INTS6: variants seen among roughly 807,000 people sequenced by gnomAD.
The protein encoded by INTS6 is DEAD box protein.
INTS6 carries 16 observed loss-of-function variants against 104.9 expected under a neutral mutation model. The ratio of observed to expected loss-of-function variants is 0.15; its 90% CI spans 0.10 to 0.23. The LOEUF (loss-of-function observed/expected upper bound fraction) is 0.23, where lower values mean the gene tolerates loss of function less well. Among genes scored for constraint, INTS6 ranks in the 10% least tolerant of loss-of-function variants. The pLI, the probability that INTS6 is intolerant of heterozygous loss-of-function variation, is 1.00. For missense variants in INTS6, 584 were observed against 1,062.8 expected, an observed-to-expected ratio of 0.55 and a Z score of 6.26; for synonymous variants, 324 against 358.7, an observed-to-expected ratio of 0.90 and a Z score of 1.09.
At chr13:51,389,248 T>G (rs950531264) in intron 6 of INTS6, 71 bp downstream of exon 6, 3 of 1,528,790 alleles carry the variant, frequency 2.0e-6, no homozygotes, top group Non-Finnish European at 2.6e-6. Context: ...CAAATCACAG[T>G]AAGTTTTCAG....
At chr13:51,418,807 C>T (rs116693620) in intron 4 of INTS6, among the ~76,000 whole-genome samples, 4 of 151,796 alleles carry the variant, frequency 2.6e-5, no homozygotes. Flanking sequence ...AAGGTAAAGT[C>T]TTTCTAATTT....
downstream of INTS6, chr13:51,361,135 G>T (rs1955567996): frequency 1.9e-6 from 1 of 532,628 alleles, no homozygotes; most frequent in Non-Finnish European, 3.4e-6. Flanking sequence ...AACAAAAACA[G>T]AATTTTCCAC....
chr13:51,434,165 A>T (rs1957145645), intron 3 of INTS6, among the ~76,000 whole-genome samples: 1 of 152,196 alleles, frequency 6.6e-6, no homozygotes, highest in Non-Finnish European at 1.5e-5. Flanking sequence ...TCCTTTCTGC[A>T]ATAAAATTAA....
intron 3 of INTS6, among the ~76,000 whole-genome samples, chr13:51,435,584 C>T (rs964757871): frequency 2.1e-4 from 32 of 151,972 alleles, no homozygotes; most frequent in Admixed American, 5.2e-4. Flanking sequence ...AAAGAAAATG[C>T]TTTTGCAATG....
intron 7 of INTS6, chr13:51,383,954 A>G: frequency 2.8e-6 from 1 of 354,804 alleles, no homozygotes. Context: ...TTGAAAATCT[A>G]TAGAAATGAA....
chr13:51,431,037 G>C (rs997062185), intron 3 of INTS6, among the ~76,000 whole-genome samples: 5 of 152,114 alleles, frequency 3.3e-5, no homozygotes, highest in African/African-American at 9.7e-5. Context: ...AGAGTAGCAC[G>C]GGTTCTCAAA....
intron 3 of INTS6, chr13:51,444,409 T>G (rs1952862598): frequency 6.6e-6 from 1 of 151,686 alleles, no homozygotes; most frequent in Admixed American, 6.6e-5. Flanking sequence ...CCGGCCTATT[T>G]TTGACTTTTG....
Position 51,376,190 on chromosome 13 carries a change from C to G in INTS6, c.1603-16G>C. 6.3e-7 allele frequency: 1 copy of G among 1,577,432 alleles called. No individual in the cohort carries two copies. The highest frequency in any genetic ancestry group is 8.6e-7 in the Non-Finnish European group (1 of 1,161,274). ...GCTTCAAATCCTATTAAACAACATT[C>G]GAGGACAAAATTTATTGTCAAACAT... is the stretch of plus-strand genomic sequence containing the variant. On this transcript the variant is annotated splice_polypyrimidine_tract_variant and intron_variant, in intron 12 of 17. Coordinates refer to ENST00000311234, the MANE Select transcript of INTS6 (RefSeq NM_012141.3).
chr13:51,359,329 C>T (rs1297913400), downstream of INTS6, among the ~76,000 whole-genome samples: 1 of 152,050 alleles, frequency 6.6e-6, no homozygotes, highest in Admixed American at 6.6e-5. Flanking sequence ...AGATGACTCC[C>T]ATATTCTCAT....
intron 3 of INTS6, chr13:51,440,063 A>G (rs981539330): frequency 2.6e-5 from 4 of 152,136 alleles, no homozygotes; most frequent in African/African-American, 9.7e-5. Flanking sequence ...GATGGCTAAG[A>G]CGGTGAAACC....
At chr13:51,371,052 G>A (rs901954276) in intron 15 of INTS6, among the ~76,000 whole-genome samples, 2 of 152,112 alleles carry the variant, frequency 1.3e-5, no homozygotes, top group African/African-American at 2.4e-5. Flanking sequence ...ACTACTACTC[G>A]AAGTCTGGTG....
At chr13:51,421,856 A>AC (rs1956901937) in intron 4 of INTS6, among the ~76,000 whole-genome samples, 1 of 148,516 alleles carries the variant, frequency 6.7e-6, no homozygotes, top group African/African-American at 2.4e-5. Context: ...ACAGAGTAAA[A>AC]CACACACACA....
rs762326930 is a variant in INTS6, at chr13:51,361,884, C to A, written c.*3868G>T. On this transcript the variant is annotated 3_prime_UTR_variant, in exon 18 of 18. Coordinates refer to ENST00000311234, the MANE Select transcript of INTS6 (RefSeq NM_012141.3). Reference sequence around the variant, plus strand: ...GCCATTCATCTATTTCCTGAGAGAACCTAACACAGGTATTACAGTATTTTT... The same window carrying A: ...GCCATTCATCTATTTCCTGAGAGAAACTAACACAGGTATTACAGTATTTTT... The A allele has an allele frequency of 6.2e-6, 10 of 1,611,350 alleles. No homozygotes were observed. Among genetic ancestry groups the A allele is most frequent in the South Asian group, 3.3e-5 (3 of 90,964 alleles).
At chr13:51,437,300 C>T (rs887366900) in intron 3 of INTS6, 1 of 152,148 alleles carries the variant, frequency 6.6e-6, no homozygotes, top group African/African-American at 2.4e-5. Context: ...TCTACAGATG[C>T]TACCTTTGTA....
intron 4 of INTS6, among the ~76,000 whole-genome samples, chr13:51,411,713 C>A (rs1956691403): frequency 1.3e-5 from 2 of 152,236 alleles, no homozygotes; most frequent in Admixed American, 6.5e-5. Context: ...CTCATACATT[C>A]CTGGTTGGAA....
intron 4 of INTS6, among the ~76,000 whole-genome samples, chr13:51,398,075 C>T (rs373360222): frequency 6.6e-6 from 1 of 152,062 alleles, no homozygotes; most frequent in East Asian, 1.9e-4. Flanking sequence ...CTCTGCAAAT[C>T]ACCACCAACC....
chr13:51,421,368 A>C, intron 4 of INTS6: 1 of 872,000 alleles, frequency 1.1e-6, no homozygotes, highest in Non-Finnish European at 1.4e-6. Context: ...ACCACAACAA[A>C]CAAAACAAAG....
chr13:51,418,666 TA>T (rs1267232459), intron 4 of INTS6, among the ~76,000 whole-genome samples: 4 of 152,218 alleles, frequency 2.6e-5, no homozygotes, highest in African/African-American at 9.6e-5. Flanking sequence ...AATTTTTGAT[TA>T]AAAAATCAAA....
chr13:51,342,573 C>T, the INTS6 span, among the ~76,000 whole-genome samples: 14 of 152,140 alleles, frequency 9.2e-5, no homozygotes, highest in Non-Finnish European at 2.1e-4. Flanking sequence ...ACAAACTAGG[C>T]TAGGGCAGAG....
Sources: gnomAD v4.1 joint callset for allele counts (sites outside exome capture counted in the v4.1 genomes callset) on GRCh38, gnomAD v4.1.1 for gene constraint, MANE v1.5 for transcripts, NCBI Gene and HGNC (gene_info 2026-07-23, HGNC 2026-07-21) for gene names.